IQCM: variants seen among roughly 807,000 people sequenced by gnomAD.
IQCM encodes IQ domain-containing protein M.
A neutral mutation model predicts 57.6 loss-of-function variants in IQCM; 45 were observed. The observed-to-expected ratio is 0.78, with a 90% confidence interval of 0.62 to 1.00. The LOEUF (loss-of-function observed/expected upper bound fraction) is 1.00. Ranked by LOEUF, IQCM falls within the 50% of genes least tolerant of loss-of-function variation. IQCM has a pLI of 0.00. For missense variants in IQCM, 468 were observed against 511.6 expected, an observed-to-expected ratio of 0.91 and a Z score of 0.82; for synonymous variants, 148 against 158.9, an observed-to-expected ratio of 0.93 and a Z score of 0.51.
At chr4:149,543,763 A>G (rs1347314565) in intron 12 of IQCM, among the ~76,000 whole-genome samples, 2 of 145,890 alleles carry the variant, frequency 1.4e-5, no homozygotes, top group Non-Finnish European at 3.0e-5. Flanking sequence ...TGAAAAAAAA[A>G]CAATTGCTAT....
At chr4:149,526,054 T>C (rs1746128433) in intron 12 of IQCM, among the ~76,000 whole-genome samples, 1 of 151,886 alleles carries the variant, frequency 6.6e-6, no homozygotes, top group Non-Finnish European at 1.5e-5. Context: ...ACATCTACCA[T>C]TGGGAATTTA....
At position 149,476,251 on chromosome 4, in the gene IQCM, G is replaced by A. The variant is rs1055444365; in HGVS notation, c.1229-42694C>T. Among the ~76,000 whole-genome samples the A allele has an allele frequency of 6.9e-4, 105 of 152,152 alleles. 1 individual carries two copies. Among genetic ancestry groups the A allele is most frequent in the Non-Finnish European group, 1.5e-4 (10 of 68,022 alleles). ...GGCACTGGATAGAAATAACAAAGGC[G>A]TAAATAGTTTTTGTATGGGAAGATG... is the stretch of plus-strand genomic sequence containing the variant. On this transcript the variant is annotated intron_variant, in intron 12 of 13. Coordinates refer to ENST00000636793, the MANE Select transcript of IQCM (RefSeq NM_001363507.2).
At chr4:149,572,538 A>T (rs959072479) in intron 9 of IQCM, among the ~76,000 whole-genome samples, 1 of 151,966 alleles carries the variant, frequency 6.6e-6, no homozygotes, top group African/African-American at 2.4e-5. Context: ...CTATTAAAAG[A>T]TATATATGTA....
intron 11 of IQCM, among the ~76,000 whole-genome samples, chr4:149,549,846 G>A (rs1579453143): frequency 6.6e-6 from 1 of 152,166 alleles, no homozygotes; most frequent in Non-Finnish European, 1.5e-5. Context: ...GAGGGAGATA[G>A]CTATGAGACA....
chr4:149,670,771 G>T (rs146299684), intron 7 of IQCM, among the ~76,000 whole-genome samples: 409 of 152,182 alleles, frequency 2.7e-3, no homozygotes, highest in African/African-American at 9.6e-3. Flanking sequence ...TCATATGATG[G>T]ATTACATTTA....
intron 12 of IQCM, among the ~76,000 whole-genome samples, chr4:149,532,835 T>C (rs1746891485): frequency 6.6e-6 from 1 of 152,042 alleles, no homozygotes; most frequent in African/African-American, 2.4e-5. Flanking sequence ...TAGAGGGAGA[T>C]GGACCATAAA....
intron 7 of IQCM, among the ~76,000 whole-genome samples, chr4:149,660,832 T>C (rs1274709937): frequency 7.2e-6 from 1 of 139,506 alleles, no homozygotes; most frequent in Non-Finnish European, 1.5e-5. Context: ...GGGACTGTTG[T>C]GGGGTGGGGG....
At chr4:149,745,948 G>A (rs962787711) in intron 2 of IQCM, among the ~76,000 whole-genome samples, 2 of 151,896 alleles carry the variant, frequency 1.3e-5, no homozygotes, top group African/African-American at 2.4e-5. Flanking sequence ...TTCCAGCCTG[G>A]GCAACAGAGT....
intron 13 of IQCM, among the ~76,000 whole-genome samples, chr4:149,372,564 T>G (rs1287414398): frequency 6.6e-6 from 1 of 152,108 alleles, no homozygotes; most frequent in African/African-American, 2.4e-5. Flanking sequence ...TAAGGTCACA[T>G]AGACAGTAAT....
chr4:149,672,928 T>C (rs1761429815), intron 7 of IQCM, among the ~76,000 whole-genome samples: 3 of 152,264 alleles, frequency 2.0e-5, no homozygotes, highest in Admixed American at 1.3e-4. Flanking sequence ...CAGCAGATCT[T>C]TCGGCAGAAA....
intron 2 of IQCM, among the ~76,000 whole-genome samples, chr4:149,778,101 G>T (rs1159601702): frequency 6.6e-6 from 1 of 152,230 alleles, no homozygotes; most frequent in African/African-American, 2.4e-5. Flanking sequence ...AATTGGCCGG[G>T]CGCGGTGGCT....
At chr4:149,550,234 G>C (rs1748895978) in intron 11 of IQCM, among the ~76,000 whole-genome samples, 1 of 152,158 alleles carries the variant, frequency 6.6e-6, no homozygotes, top group South Asian at 2.1e-4. Flanking sequence ...CAGTTCCCTA[G>C]AGGGATTAAG....
At chr4:149,518,623 G>T (rs976540659) in intron 12 of IQCM, among the ~76,000 whole-genome samples, 1 of 152,158 alleles carries the variant, frequency 6.6e-6, no homozygotes, top group African/African-American at 2.4e-5. Flanking sequence ...CAGAGATATT[G>T]TGAAAGAAGG....
intron 3 of IQCM, among the ~76,000 whole-genome samples, chr4:149,736,018 G>T (rs578184864): frequency 1.3e-5 from 2 of 150,700 alleles, no homozygotes; most frequent in Non-Finnish European, 2.9e-5. Context: ...CACAATTCTG[G>T]CTCTGTGCAA....
intron 7 of IQCM, among the ~76,000 whole-genome samples, chr4:149,640,892 G>A (rs1758125474): frequency 1.3e-5 from 2 of 152,116 alleles, no homozygotes; most frequent in South Asian, 4.1e-4. Flanking sequence ...CACTTTAGGG[G>A]GCCGAGGCCA....
chr4:149,357,631 G>A (rs1478277084), intron 13 of IQCM, among the ~76,000 whole-genome samples: 2 of 152,142 alleles, frequency 1.3e-5, no homozygotes, highest in Non-Finnish European at 2.9e-5. Flanking sequence ...TTGATGCGTT[G>A]CTGGATACGT....
intron 12 of IQCM, among the ~76,000 whole-genome samples, chr4:149,512,031 C>A (rs1744477418): frequency 6.6e-6 from 1 of 152,280 alleles, no homozygotes; most frequent in East Asian, 1.9e-4. Context: ...AGGGCCTCTG[C>A]TTTCATGACC....
intron 13 of IQCM, among the ~76,000 whole-genome samples, chr4:149,359,703 T>C (rs889852517): frequency 9.9e-5 from 15 of 152,204 alleles, no homozygotes; most frequent in African/African-American, 2.7e-4. Context: ...TTTTAAATTA[T>C]CTACAAATTT....
At chr4:149,740,243 G>C (rs1434176206) in intron 3 of IQCM, among the ~76,000 whole-genome samples, 3 of 152,176 alleles carry the variant, frequency 2.0e-5, no homozygotes, top group African/African-American at 7.2e-5. Context: ...TGTAATCAGA[G>C]TAAATGCCTG....
Sources: allele counts gnomAD v4.1 joint callset (sites outside exome capture counted in the v4.1 genomes callset), GRCh38; gene constraint gnomAD v4.1.1; transcripts MANE v1.5; gene names NCBI Gene and HGNC (gene_info 2026-07-23, HGNC 2026-07-21).